VPS29: variants seen among roughly 807,000 people sequenced by gnomAD.
VPS29 encodes the protein VPS29 retromer complex component.
VPS29 carries 2 observed loss-of-function variants against 20.0 expected under a neutral mutation model. The observed-to-expected ratio is 0.10, with a 90% CI of 0.04 to 0.31. The LOEUF is 0.31. Ranked by LOEUF, VPS29 falls within the 10% of genes least tolerant of loss-of-function variation. The pLI, the probability that VPS29 is intolerant of heterozygous loss-of-function variation, is 1.00. For missense variants in VPS29, 120 were observed against 215.3 expected (o/e 0.56, Z 2.77); for synonymous variants, 81 against 79.3 (o/e 1.02, Z -0.12).
chr12:110,497,637 T>A (rs2062929903), intron 1 of VPS29, among the ~76,000 whole-genome samples: 1 of 151,430 alleles, frequency 6.6e-6, no homozygotes, highest in Non-Finnish European at 1.5e-5. Flanking sequence ...ACACCTGTAA[T>A]CCCAGCACTT....
chr12:110,497,609 G>A (rs185866795), intron 1 of VPS29, among the ~76,000 whole-genome samples: 1 of 152,154 alleles, frequency 6.6e-6, no homozygotes, highest in Admixed American at 6.5e-5. Flanking sequence ...GTATCTGTCT[G>A]GCTGAGTGCG....
intron 2 of VPS29, among the ~76,000 whole-genome samples, chr12:110,494,378 G>C (rs1234136566): frequency 6.9e-6 from 1 of 145,940 alleles, no homozygotes; most frequent in Non-Finnish European, 1.5e-5. Flanking sequence ...TCAGCTTCCC[G>C]AGTAGCTGGG....
intron 1 of VPS29, among the ~76,000 whole-genome samples, chr12:110,500,123 C>A (rs1028166907): frequency 6.6e-6 from 1 of 152,090 alleles, no homozygotes; most frequent in African/African-American, 2.4e-5. Context: ...AAGTGTTGAA[C>A]AAATCAACTA....
At chr12:110,500,016 A>C (rs1233023524) in intron 1 of VPS29, among the ~76,000 whole-genome samples, 1 of 152,234 alleles carries the variant, frequency 6.6e-6, no homozygotes, top group African/African-American at 2.4e-5. Context: ...TATGGATGTT[A>C]ATTATCTTAC....
In VPS29 at chr12:110,502,017, C is replaced by G. The variant is rs112223277; in HGVS notation, c.3+32G>C. Reference sequence around the variant, plus strand: ...ACAACGCAGCACCCCACCCGAGAGCCAGGCCTTGGTCGCCGCAACTGCAGC... The same window carrying G: ...ACAACGCAGCACCCCACCCGAGAGCGAGGCCTTGGTCGCCGCAACTGCAGC... On this transcript the variant is annotated intron_variant, in intron 1 of 3. Transcript: ENST00000549578. The G allele has an allele frequency of 7.7e-5, 124 of 1,613,236 alleles. 5 individuals are homozygous for G. Among genetic ancestry groups the G allele is most frequent in the African/African-American group, 7.3e-4 (55 of 75,040 alleles).
intron 1 of VPS29, chr12:110,499,154 G>A (rs1421629374): frequency 1.7e-5 from 3 of 171,898 alleles, no homozygotes; most frequent in Non-Finnish European, 2.5e-5. Context: ...ACTATTAGCA[G>A]TCTAAAGATA....
chr12:110,498,874 A>T (rs572642406), intron 1 of VPS29: 21 of 978,734 alleles, frequency 2.1e-5, no homozygotes, highest in Non-Finnish European at 2.4e-5. Context: ...TATGGATTGA[A>T]GTACATAGTT....
At position 110,499,528 on chromosome 12, in the gene VPS29, AACTT is replaced by A. The variant is rs768212568; in HGVS notation, c.3+2517_3+2520del. ...ACTGTTAGTAGGAGCTAAGTGAAGA[AACTT>A]ACTCTGTGCCCAGCCTTAGTGGAAT... On this transcript the variant is annotated intron_variant, in intron 1 of 3. Transcript: ENST00000549578. 1.9e-6 allele frequency: 3 copies of A among 1,613,220 alleles called. No homozygotes were observed. The East Asian group carries it at 6.7e-5, about 36-fold the overall frequency.
intron 1 of VPS29, among the ~76,000 whole-genome samples, chr12:110,500,364 G>C (rs1282881427): frequency 6.6e-6 from 1 of 152,136 alleles, no homozygotes; most frequent in South Asian, 2.1e-4. Context: ...CTAAATAAGA[G>C]GGATCACTTC....
At chr12:110,501,826 C>G in intron 1 of VPS29, 1 of 1,220,260 alleles carries the variant, frequency 8.2e-7, no homozygotes, top group Non-Finnish European at 1.2e-6. Context: ...TGGCCTCTGG[C>G]CCCTTGGGGC....
Position 110,493,049 on chromosome 12 carries a change from A to G in VPS29, c.378T>C (p.Asn126=), listed in dbSNP as rs1026972313. The G allele has an allele frequency of 4.3e-6, 7 of 1,613,768 alleles. No homozygotes were observed. In the African/African-American group the frequency reaches 9.3e-5, roughly 22 times the overall value. ...CAGAACCTGGATTAATGTAGAATTTATTTTCATGCTCAAATGCTTCAAATT... is the reference window on the plus strand; with the variant it reads ...CAGAACCTGGATTAATGTAGAATTTGTTTTCATGCTCAAATGCTTCAAATT... ...THKFEAFEHE[N]KFYINPGSAT... is the part of the protein sequence containing the mutation. The change falls in exon 3 of 4, where the codon AAT becomes AAC. Residue 126 remains asparagine, a synonymous_variant. Transcript: ENST00000549578.
At position 110,491,854 on chromosome 12, in the gene VPS29, G is replaced by A; in HGVS notation, c.*151C>T. On this transcript the variant is annotated 3_prime_UTR_variant, in exon 4 of 4. Coordinates refer to ENST00000549578, the MANE Select transcript of VPS29 (RefSeq NM_016226.5). ...TATTCTTATAGTTTACAGGAAGCTTGGAGCAATTATGTATTAACAGAGAAG... is the reference window on the plus strand; with the variant it reads ...TATTCTTATAGTTTACAGGAAGCTTAGAGCAATTATGTATTAACAGAGAAG... 3.2e-6 allele frequency: 2 copies of A among 623,880 alleles called. No homozygotes were observed. The highest frequency in any genetic ancestry group is 5.6e-5 in the East Asian group (2 of 35,748). The allele number at this position is 623,880 out of a possible 1,614,324, so 38.6% of individuals were successfully genotyped here.
chr12:110,501,891 C>T, intron 1 of VPS29, 158 bp downstream of exon 1: 1 of 1,526,804 alleles, frequency 6.5e-7, no homozygotes, highest in Non-Finnish European at 8.9e-7. Flanking sequence ...CCTTCCTTCC[C>T]TAGACCTCTT....
At position 110,493,091 on chromosome 12, in the gene VPS29, G is replaced by T. The variant is rs567565937; in HGVS notation, c.336C>A (p.Ile112=). Reference sequence around the variant, plus strand: ...CTTCAAATTTGTGTGTGTGTCCCGAGATAAGAATGTCCACATCAAATTGCC... The same window carrying T: ...CTTCAAATTTGTGTGTGTGTCCCGATATAAGAATGTCCACATCAAATTGCC... ...LQRQFDVDIL[I]SGHTHKFEAF... The change falls in exon 3 of 4, where the codon ATC becomes ATA. Residue 112 remains isoleucine (I), a synonymous_variant. Coordinates refer to ENST00000549578, the MANE Select transcript of VPS29 (RefSeq NM_016226.5). 2 of 1,614,092 alleles carry T rather than the reference G, an allele frequency of 1.2e-6. No homozygotes were observed. The highest frequency in any genetic ancestry group is 2.7e-5 in the African/African-American group (2 of 75,014).
intron 1 of VPS29, among the ~76,000 whole-genome samples, chr12:110,500,678 G>A (rs778362195): frequency 6.6e-6 from 1 of 151,758 alleles, no homozygotes; most frequent in Non-Finnish European, 1.5e-5. Flanking sequence ...GCCTGTCAGA[G>A]GTAGACGTCC....
chr12:110,496,176 T>C lies in VPS29; in HGVS notation c.31A>G (p.Ile11Val). The C allele has an allele frequency of 6.2e-7, 1 of 1,612,420 alleles. No homozygotes were observed. Among genetic ancestry groups the C allele is most frequent in the South Asian group, 1.1e-5 (1 of 90,942 alleles). ...GGCAAACTGTTGCACCGGTGTGGGA[T>C]GTGCAGATCTCCTAATACCAACACC... is the stretch of plus-strand genomic sequence containing the variant. MLVLVLGDLH[I>V]PHRCNSLPAK... The change falls in exon 2 of 4, where the codon ATC (isoleucine) becomes GTC (valine). Residue 11 changes from isoleucine to valine, a missense_variant. Coordinates refer to ENST00000549578, the MANE Select transcript of VPS29 (RefSeq NM_016226.5).
intron 3 of VPS29, among the ~76,000 whole-genome samples, chr12:110,492,598 A>ATTTT (rs1165212133): frequency 6.5e-5 from 8 of 122,850 alleles, no homozygotes; most frequent in African/African-American, 1.0e-4. Flanking sequence ...ATTTATTTTT[A>ATTTT]TTTTATTTAT....
chr12:110,492,263 T>C lies in VPS29; in HGVS notation c.432-141A>G, dbSNP rs551150035. On this transcript the variant is annotated intron_variant, in intron 3 of 3. Coordinates refer to ENST00000549578, the MANE Select transcript of VPS29 (RefSeq NM_016226.5). ...GTTACCAAAAGATTGCCAAAATGGC[T>C]AGATTTATTTAAATGGTCACATGTG... 45 of 688,368 alleles carry C rather than the reference T, an allele frequency of 6.5e-5. No individual in the cohort carries two copies. The African/African-American group carries it at 7.7e-4, about 12-fold the overall frequency. The allele number at this position is 688,368 out of a possible 1,614,324, so 42.6% of individuals were successfully genotyped here. A position where few individuals can be genotyped will look rare whatever the true frequency, so the allele number is the denominator to read the frequency against.
chr12:110,493,181 A>C lies in VPS29; in HGVS notation c.246T>G (p.Ile82Met), dbSNP rs1063335. The C allele has an allele frequency of 6.2e-7, 1 of 1,604,564 alleles. No homozygotes were observed. The highest frequency in any genetic ancestry group is 1.7e-5 in the Admixed American group (1 of 58,218). ...TAACTTGATGTCCATGGATCAGACC[A>C]ATTTTGAACTGTCCAACAGTCACAA... ...QKVVTVGQFK[I>M]GLIHGHQVIP... Residue 82 changes from isoleucine (I) to methionine (M), a missense_variant, in exon 3 of 4, where the codon ATT becomes ATG. Transcript: ENST00000549578.
Sources: gnomAD v4.1 joint callset for allele counts (sites outside exome capture counted in the v4.1 genomes callset) on GRCh38, gnomAD v4.1.1 for gene constraint, MANE v1.5 for transcripts, NCBI Gene and HGNC (gene_info 2026-07-23, HGNC 2026-07-21) for gene names.